Variants in KLHDC3 observed in about 807,000 individuals in gnomAD.
KLHDC3 encodes kelch domain-containing protein 3.
KLHDC3 carries 5 observed loss-of-function variants against 44.1 expected under a neutral mutation model. The ratio of observed to expected loss-of-function variants is 0.11; its 90% CI spans 0.06 to 0.24. The LOEUF is 0.24. Among genes scored for constraint, KLHDC3 ranks in the 10% least tolerant of loss-of-function variants. KLHDC3 has a pLI of 1.00. For missense variants in KLHDC3, 247 were observed against 514.3 expected, an observed-to-expected ratio of 0.48 and a Z score of 5.03; for synonymous variants, 170 against 189.0, an observed-to-expected ratio of 0.90 and a Z score of 0.82.
chr6:43,017,134 A>G lies in KLHDC3; in HGVS notation c.-59A>G, dbSNP rs1762597499. 15 of 1,569,788 alleles carry G rather than the reference A, an allele frequency of 9.6e-6. No individual in the cohort carries two copies. The highest frequency in any genetic ancestry group is 2.2e-5 in the East Asian group (1 of 44,648). On this transcript the variant is annotated splice_region_variant and 5_prime_UTR_variant, in exon 2 of 11. Transcript: ENST00000326974. The surrounding 1 kb of genome is among the most constrained non-coding windows in gnomAD (Gnocchi z 6.0). ...TCCCGTGGCCCCAATTTGTGTGCAGATAGCAGAGGCAGCAGGCCGTGCCGG... is the reference window on the plus strand; with the variant it reads ...TCCCGTGGCCCCAATTTGTGTGCAGGTAGCAGAGGCAGCAGGCCGTGCCGG...
At chr6:43,019,047 TG>T in intron 8 of KLHDC3, 44 bp from the exon 9 acceptor site, 2 of 1,576,896 alleles carry the variant, frequency 1.3e-6, no homozygotes, top group Non-Finnish European at 1.7e-6. Context: ...GGGGGTTTCG[TG>T]GGTAGTTTTT....
chr6:43,021,119 G>T lies in KLHDC3; in HGVS notation c.*386G>T. On this transcript the variant is annotated 3_prime_UTR_variant, in exon 11 of 11. Coordinates refer to ENST00000326974, the MANE Select transcript of KLHDC3 (RefSeq NM_057161.4). ...TTTGCCTATCCCCTCCCCTCTGCTT[G>T]AGCCTTGAGCCTTGACTGGGAGCTG... 2.1e-6 allele frequency: 1 copy of T among 472,056 alleles called. No individual in the cohort carries two copies. The allele number at this position is 472,056 out of a possible 1,614,324, so 29.2% of individuals were successfully genotyped here. A position where few individuals can be genotyped will look rare whatever the true frequency, so the allele number is the denominator to read the frequency against.
In KLHDC3 at chr6:43,021,262, C is replaced by T. The variant is rs897437228; in HGVS notation, c.*529C>T. The T allele has an allele frequency of 1.9e-5, 7 of 362,886 alleles. No individual in the cohort carries two copies. The highest frequency in any genetic ancestry group is 3.3e-5 in the Non-Finnish European group (6 of 184,262). 22.5% of individuals were successfully genotyped at this position (362,886 alleles called of 1,614,324 possible). A position where few individuals can be genotyped will look rare whatever the true frequency, so the allele number is the denominator to read the frequency against. On this transcript the variant is annotated 3_prime_UTR_variant, in exon 11 of 11. Transcript: ENST00000326974. ...GCTGTACTCTGAAGTTCAGCCAGCT[C>T]AGATTTTATAAAAATTAATTAAAAT...
Position 43,015,538 on chromosome 6 carries a change from T to G in KLHDC3, c.-60+1190T>G, listed in dbSNP as rs567014022. On this transcript the variant is annotated intron_variant, in intron 1 of 10. Transcript: ENST00000326974. ...GTACCCAGGTGTACGTGCCACTAGG[T>G]TGACAGGTTGTGTTTAAGAGACCAT... 2.0e-5 allele frequency among the ~76,000 whole-genome samples: 3 copies of G among 152,122 alleles called. No individual in the cohort carries two copies. The East Asian group carries it at 5.8e-4, about 29-fold the overall frequency.
chr6:43,016,851 C>G (rs989659527), intron 1 of KLHDC3: 2 of 296,818 alleles, frequency 6.7e-6, no homozygotes, highest in African/African-American at 2.1e-5. Context: ...GGAGCCTCCA[C>G]GAGTAGGTTG....
intron 1 of KLHDC3, among the ~76,000 whole-genome samples, chr6:43,015,851 CT>C (rs1762557552): frequency 1.2e-5 from 1 of 80,354 alleles, no homozygotes; most frequent in African/African-American, 1.2e-4. Flanking sequence ...GAGACTTCAT[CT>C]AAAAAAAAAA....
In KLHDC3 at chr6:43,017,222, C is replaced by T. The variant is rs753560000; in HGVS notation, c.30C>T (p.Gly10=). Residue 10 remains glycine (G), a synonymous_variant, in exon 2 of 11, where the codon GGC becomes GGT. Transcript: ENST00000326974. The surrounding 1 kb of genome is among the most constrained non-coding windows in gnomAD (Gnocchi z 6.0). MLRWTVHLE[G]GPRRVNHAAV... ...TACGGTGGACAGTGCACCTGGAGGG[C>T]GGGCCCCGCAGGGTGAACCATGCTG... is the stretch of plus-strand genomic sequence containing the variant. 4 of 1,613,744 alleles carry T rather than the reference C, an allele frequency of 2.5e-6. No individual in the cohort carries two copies. The highest frequency in any genetic ancestry group is 2.2e-5 in the East Asian group (1 of 44,874).
At chr6:43,020,595 C>T (rs1181502825) in intron 10 of KLHDC3, 72 bp from the exon 11 acceptor site, 2 of 1,241,594 alleles carry the variant, frequency 1.6e-6, no homozygotes, top group Non-Finnish European at 2.4e-6. Flanking sequence ...GTGTTTTTAG[C>T]TTGGTTCAAA....
At chr6:43,015,279 G>A (rs1021350301) in intron 1 of KLHDC3, among the ~76,000 whole-genome samples, 2 of 152,060 alleles carry the variant, frequency 1.3e-5, no homozygotes, top group Non-Finnish European at 2.9e-5. Context: ...AGCTTAGGGT[G>A]TGGAGTTGGG....
intron 10 of KLHDC3, 92 bp downstream of exon 10, chr6:43,019,458 C>G: frequency 3.6e-6 from 3 of 842,420 alleles, no homozygotes; most frequent in Non-Finnish European, 6.1e-6. Flanking sequence ...ATGGAGGAGA[C>G]AGACATTTTT....
chr6:43,018,005 A>C lies in KLHDC3; in HGVS notation c.447+37A>C. 3 of 1,564,272 alleles carry C rather than the reference A, an allele frequency of 1.9e-6. No individual in the cohort carries two copies. The highest frequency in any genetic ancestry group is 1.8e-6 in the Non-Finnish European group (2 of 1,134,904). On this transcript the variant is annotated intron_variant, in intron 4 of 10. Transcript: ENST00000326974. The surrounding 1 kb of genome is among the most constrained non-coding windows in gnomAD (Gnocchi z 6.0). ...AATAAAATAAGAGGTTTAGGGTGGG[A>C]CTGAGAAAGAGGGGAAGGGCAATTT...
chr6:43,020,177 C>A (rs1044358907), intron 10 of KLHDC3, among the ~76,000 whole-genome samples: 7 of 148,558 alleles, frequency 4.7e-5, no homozygotes, highest in African/African-American at 1.5e-4. Context: ...GAACAAGACT[C>A]AAAAAAAAAA....
At chr6:43,020,606 C>T (rs1353656992) in intron 10 of KLHDC3, 61 bp from the exon 11 acceptor site, 1 of 1,363,034 alleles carries the variant, frequency 7.3e-7, no homozygotes, top group African/African-American at 1.4e-5. Context: ...TTGGTTCAAA[C>T]ATCCCTTAGC....
Position 43,017,112 on chromosome 6 carries a change from C to T in KLHDC3, c.-59-22C>T, listed in dbSNP as rs1762596935. On this transcript the variant is annotated intron_variant, in intron 1 of 10. Transcript: ENST00000326974. The surrounding 1 kb of genome is among the most constrained non-coding windows in gnomAD (Gnocchi z 6.0). ...GGGCAGAAGCCTCGCCTGAGGATCC[C>T]GTGGCCCCAATTTGTGTGCAGATAG... is the stretch of plus-strand genomic sequence containing the variant. 6.0e-6 allele frequency: 9 copies of T among 1,501,940 alleles called. No individual in the cohort carries two copies. In the East Asian group the frequency reaches 6.8e-5, roughly 11 times the overall value. 93.0% of individuals were successfully genotyped at this position (1,501,940 alleles called of 1,614,324 possible). A position where few individuals can be genotyped will look rare whatever the true frequency, so the allele number is the denominator to read the frequency against.
At chr6:43,016,865 C>T (rs1762590700) in intron 1 of KLHDC3, 8 of 347,810 alleles carry the variant, frequency 2.3e-5, no homozygotes, top group Non-Finnish European at 3.8e-5. Flanking sequence ...TAGGTTGTGA[C>T]CATGATATGC....
intron 10 of KLHDC3, among the ~76,000 whole-genome samples, chr6:43,020,443 G>A (rs1044889600): frequency 5.9e-5 from 9 of 152,066 alleles, no homozygotes; most frequent in Admixed American, 3.3e-4. Flanking sequence ...AACATAAACC[G>A]GAAATCCATA....
Position 43,015,552 on chromosome 6 carries a change from T to G in KLHDC3, c.-60+1204T>G, listed in dbSNP as rs535879018. Among the ~76,000 whole-genome samples the G allele has an allele frequency of 5.3e-5, 8 of 152,114 alleles. No individual in the cohort carries two copies. In the East Asian group the frequency reaches 1.4e-3, roughly 26 times the overall value. On this transcript the variant is annotated intron_variant, in intron 1 of 10. Coordinates refer to ENST00000326974, the MANE Select transcript of KLHDC3 (RefSeq NM_057161.4). ...GTGCCACTAGGTTGACAGGTTGTGT[T>G]TAAGAGACCATGACCAGCTGGGCAT...
chr6:43,018,080 G>A lies in KLHDC3; in HGVS notation c.448-65G>A, dbSNP rs953483235. Reference sequence around the variant, plus strand: ...GCTTGTTTGCAGGTTTTGAGGGGAGGGATGGAGGGTCAGAGAGTGACCATT... The same window carrying A: ...GCTTGTTTGCAGGTTTTGAGGGGAGAGATGGAGGGTCAGAGAGTGACCATT... On this transcript the variant is annotated intron_variant, in intron 4 of 10. Transcript: ENST00000326974. The surrounding 1 kb of genome is among the most constrained non-coding windows in gnomAD (Gnocchi z 6.0). The A allele has an allele frequency of 1.4e-4, 199 of 1,405,758 alleles. No individual in the cohort carries two copies. The highest frequency in any genetic ancestry group is 1.8e-4 in the Non-Finnish European group (180 of 990,566). The allele number at this position is 1,405,758 out of a possible 1,614,324, so 87.1% of individuals were successfully genotyped here.
In KLHDC3 at chr6:43,017,727, T is replaced by C; in HGVS notation, c.331+32T>C. 6.2e-7 allele frequency: 1 copy of C among 1,605,154 alleles called. No homozygotes were observed. Among genetic ancestry groups the C allele is most frequent in the South Asian group, 1.1e-5 (1 of 90,566 alleles). On this transcript the variant is annotated intron_variant, in intron 3 of 10. Transcript: ENST00000326974. The surrounding 1 kb of genome is among the most constrained non-coding windows in gnomAD (Gnocchi z 6.0). ...ATGGATCTCAGAGAGGCTATGTCCT[T>C]CCAGATGTTGCCTCAGTTGCCCAAG... is the stretch of plus-strand genomic sequence containing the variant.
Sources: gnomAD v4.1 joint callset for allele counts (sites outside exome capture counted in the v4.1 genomes callset) on GRCh38, gnomAD v4.1.1 for gene constraint, Gnocchi (gnomAD v3.1) non-coding constraint, MANE v1.5 for transcripts, NCBI Gene and HGNC (gene_info 2026-07-23, HGNC 2026-07-21) for gene names.